AGMO: variants seen among roughly 807,000 people sequenced by gnomAD.
AGMO encodes the protein glyceryl-ether monooxygenase.
A neutral mutation model predicts 60.2 loss-of-function variants in AGMO; 75 were observed. That is an observed-to-expected ratio of 1.25 (90% CI 1.03 to 1.51). AGMO has a LOEUF of 1.51. Ranked by LOEUF, AGMO falls within the 40% of genes most tolerant of loss-of-function variation. The pLI is 0.00. For missense variants in AGMO, 763 were observed against 525.5 expected, an observed-to-expected ratio of 1.45 and a Z score of -4.42; for synonymous variants, 261 against 177.1, an observed-to-expected ratio of 1.47 and a Z score of -3.76.
Position 15,460,107 on chromosome 7 carries a change from T to C in AGMO, c.410-28999A>G, listed in dbSNP as rs557587168. On this transcript the variant is annotated intron_variant, in intron 3 of 12. Coordinates refer to ENST00000342526, the MANE Select transcript of AGMO (RefSeq NM_001004320.2). ...AAGTAATTATTTACCCAATTTCCCC[T>C]TTTTTTTTTGTTTTTTTGAGAAGGT... is the stretch of plus-strand genomic sequence containing the variant. 7.4e-4 allele frequency among the ~76,000 whole-genome samples: 8 copies of C among 10,850 alleles called. No homozygotes were observed. The South Asian group carries it at 7.5e-3, about 10-fold the overall frequency. The allele number at this position is 10,850 out of a possible 152,430, so 7.1% of individuals were successfully genotyped here. A position where few individuals can be genotyped will look rare whatever the true frequency, so the allele number is the denominator to read the frequency against.
intron 3 of AGMO, among the ~76,000 whole-genome samples, chr7:15,485,972 C>A (rs1206983008): frequency 6.6e-6 from 1 of 152,096 alleles, no homozygotes. Context: ...TTTACCACAT[C>A]TTTACTATTT....
At chr7:15,141,884 C>A in the AGMO span, among the ~76,000 whole-genome samples, 1 of 152,208 alleles carries the variant, frequency 6.6e-6, no homozygotes, top group South Asian at 2.1e-4. Flanking sequence ...TCTCACTCTG[C>A]CAGGTAACAC....
chr7:15,421,671 G>A lies in AGMO; in HGVS notation c.514-3018C>T, dbSNP rs553781341. ...TCACCAAGAAGGTGGACAGGAGGAAGAATAGGTTGTAAAGTTCAACTTGGG... is the reference window on the plus strand; with the variant it reads ...TCACCAAGAAGGTGGACAGGAGGAAAAATAGGTTGTAAAGTTCAACTTGGG... On this transcript the variant is annotated intron_variant, in intron 4 of 12. Transcript: ENST00000342526. 9.4e-4 allele frequency among the ~76,000 whole-genome samples: 143 copies of A among 152,214 alleles called. 1 individual carries two copies. The highest frequency in any genetic ancestry group is 3.2e-3 in the African/African-American group (134 of 41,550).
the AGMO span, among the ~76,000 whole-genome samples, chr7:15,167,564 C>T: frequency 6.6e-6 from 1 of 152,118 alleles, no homozygotes; most frequent in Non-Finnish European, 1.5e-5. Context: ...TTTTTAAAGA[C>T]AATTTTAACA....
At chr7:15,124,705 G>T in the AGMO span, among the ~76,000 whole-genome samples, 14 of 151,972 alleles carry the variant, frequency 9.2e-5, no homozygotes, top group African/African-American at 3.1e-4. Flanking sequence ...TTTCAACATT[G>T]GAGTGTTTAC....
chr7:15,270,090 C>G (rs1425677365), intron 12 of AGMO, among the ~76,000 whole-genome samples: 2 of 151,942 alleles, frequency 1.3e-5, no homozygotes, highest in African/African-American at 2.4e-5. Context: ...AGGTGTCTTT[C>G]TGATATAATG....
At chr7:15,206,320 T>C (rs1353564236) in intron 12 of AGMO, among the ~76,000 whole-genome samples, 1 of 151,498 alleles carries the variant, frequency 6.6e-6, no homozygotes, top group Non-Finnish European at 1.5e-5. Context: ...GAGAATTGTT[T>C]TCACTTTGAA....
intron 12 of AGMO, among the ~76,000 whole-genome samples, chr7:15,319,320 T>C (rs1170484738): frequency 6.6e-6 from 1 of 152,176 alleles, no homozygotes; most frequent in African/African-American, 2.4e-5. Context: ...TCAACTTTCA[T>C]GAATATTTTG....
intron 12 of AGMO, among the ~76,000 whole-genome samples, chr7:15,292,469 A>G (rs1200544861): frequency 1.3e-5 from 2 of 152,166 alleles, no homozygotes; most frequent in African/African-American, 4.8e-5. Context: ...GAGGAACTAA[A>G]TTGTTCAGCA....
At chr7:15,461,403 C>T (rs6461185) in intron 3 of AGMO, among the ~76,000 whole-genome samples, 120,575 of 151,762 alleles carry the variant, frequency 0.79, 48,890 homozygotes, top group African/African-American at 0.87. Flanking sequence ...AATATTACAA[C>T]TTCATTGTTA....
chr7:15,187,112 TCTTTCAGA>T, the AGMO span, among the ~76,000 whole-genome samples: 1 of 152,212 alleles, frequency 6.6e-6, no homozygotes, highest in South Asian at 2.1e-4. Context: ...TGTCATTCAG[TCTTTCAGA>T]CGTCTCAAGA....
chr7:15,346,292 A>T (rs1201229176), intron 12 of AGMO, among the ~76,000 whole-genome samples: 1 of 152,142 alleles, frequency 6.6e-6, no homozygotes, highest in East Asian at 1.9e-4. Context: ...GACAGATGTA[A>T]TCACTCAAAT....
At chr7:15,327,246 T>C (rs185518294) in intron 12 of AGMO, among the ~76,000 whole-genome samples, 1 of 152,302 alleles carries the variant, frequency 6.6e-6, no homozygotes, top group East Asian at 1.9e-4. Context: ...TTTTCTAGTT[T>C]ATATTTGCAT....
chr7:15,215,462 G>A (rs1469582449), intron 12 of AGMO, among the ~76,000 whole-genome samples: 1 of 151,868 alleles, frequency 6.6e-6, no homozygotes, highest in Non-Finnish European at 1.5e-5. Context: ...TCTCCCCCAT[G>A]AGTTTGGCGG....
intron 3 of AGMO, among the ~76,000 whole-genome samples, chr7:15,445,522 G>T (rs1280316209): frequency 2.6e-5 from 4 of 152,018 alleles, no homozygotes; most frequent in Non-Finnish European, 4.4e-5. Context: ...CACTACCAGA[G>T]CTACCTCATT....
At chr7:15,117,414 T>G in the AGMO span, among the ~76,000 whole-genome samples, 1 of 152,038 alleles carries the variant, frequency 6.6e-6, no homozygotes, top group African/African-American at 2.4e-5. Flanking sequence ...TACACCTTGA[T>G]TGTTGTGATG....
At chr7:15,531,301 CTATA>C (rs1250193956) in intron 3 of AGMO, among the ~76,000 whole-genome samples, 1 of 93,660 alleles carries the variant, frequency 1.1e-5, no homozygotes, top group South Asian at 3.2e-4. Flanking sequence ...AAAATATTCT[CTATA>C]TATATTCTAT....
rs1784240693 is a variant in AGMO at position 15,529,657 on chromosome 7, T to TATATATAGA, written c.409+15114_409+15115insTCTATATAT. Among the ~76,000 whole-genome samples the TATATATAGA allele has an allele frequency of 2.7e-4, 4 of 14,958 alleles. 1 individual carries two copies. Among genetic ancestry groups the TATATATAGA allele is most frequent in the African/African-American group, 8.1e-4 (2 of 2,484 alleles). 9.8% of individuals were successfully genotyped at this position (14,958 alleles called of 152,430 possible). A position where few individuals can be genotyped will look rare whatever the true frequency, so the allele number is the denominator to read the frequency against. ...GAATATATATATATACTATATATTC[T>TATATATAGA]ATATATATTCTATATATATTCTATA... is the stretch of plus-strand genomic sequence containing the variant. On this transcript the variant is annotated intron_variant, in intron 3 of 12. Transcript: ENST00000342526.
At chr7:15,411,968 C>G (rs1026558181) in intron 5 of AGMO, among the ~76,000 whole-genome samples, 1 of 152,022 alleles carries the variant, frequency 6.6e-6, no homozygotes, top group African/African-American at 2.4e-5. Context: ...AGGGCAATAA[C>G]CAAAACACTC....
Sources: allele counts gnomAD v4.1 joint callset (sites outside exome capture counted in the v4.1 genomes callset), GRCh38; gene constraint gnomAD v4.1.1; transcripts MANE v1.5; gene names NCBI Gene and HGNC (gene_info 2026-07-23, HGNC 2026-07-21).